Variants in PSG3 observed in about 807,000 individuals in gnomAD.
The protein encoded by PSG3 is pregnancy specific beta-1-glycoprotein 3.
A neutral mutation model predicts 47.5 loss-of-function variants in PSG3; 61 were observed. The ratio of observed to expected loss-of-function variants is 1.28; its 90% confidence interval spans 1.05 to 1.59. The LOEUF is 1.59. Ranked by LOEUF, PSG3 falls within the 40% of genes most tolerant of loss-of-function variation. The probability of loss-of-function intolerance (pLI) is 0.00; values close to 1 mark genes in which losing one functional copy is unlikely to be tolerated. For synonymous variants in PSG3, 263 were observed against 198.4 expected (o/e 1.33, Z -2.74); for missense variants, 756 against 524.0 (o/e 1.44, Z -4.32).
intron 5 of PSG3, among the ~76,000 whole-genome samples, chr19:42,728,303 C>A (rs1969408077): frequency 6.6e-6 from 1 of 152,164 alleles, no homozygotes; most frequent in South Asian, 2.1e-4. Context: ...TATAATTACA[C>A]ACTTTTTGGC....
In PSG3 at chr19:42,736,275, C is replaced by T. The variant is rs77979343; in HGVS notation, c.430+2449G>A. 7.9e-5 allele frequency among the ~76,000 whole-genome samples: 12 copies of T among 152,148 alleles called. No individual in the cohort carries two copies. In the East Asian group the frequency reaches 1.5e-3, roughly 20 times the overall value. On this transcript the variant is annotated intron_variant, in intron 2 of 6. Coordinates refer to ENST00000327495, the MANE Select transcript of PSG3 (RefSeq NM_021016.4). ...TATAGATAACATCACTATTGTAGAA[C>T]GTGAGATTGGTCTTTTGAGATGTTT...
chr19:42,729,496 C>T (rs1010903227), intron 4 of PSG3, 119 bp from the exon 5 acceptor site: 10 of 1,501,014 alleles, frequency 6.7e-6, no homozygotes, highest in Non-Finnish European at 8.0e-6. Context: ...GCCAGCCAAA[C>T]CCCCTCTATG....
In PSG3 at chr19:42,721,666, ACCATAAACATATGAATACT is replaced by A; in HGVS notation, c.*446_*464del. On this transcript the variant is annotated 3_prime_UTR_variant, in exon 7 of 7. Transcript: ENST00000327495. Reference sequence around the variant, plus strand: ...CTGAACTTGTGCAGATAACTTTATTACCATAAACATATGAATACTCCTGAATAGTTTCCCAATTCTGGGG... The same window carrying A: ...CTGAACTTGTGCAGATAACTTTATTACCTGAATAGTTTCCCAATTCTGGGG... 3.4e-6 allele frequency: 1 copy of A among 293,186 alleles called. No individual in the cohort carries two copies. Among genetic ancestry groups the A allele is most frequent in the Non-Finnish European group, 6.2e-6 (1 of 160,182 alleles). 18.2% of individuals were successfully genotyped at this position (293,186 alleles called of 1,614,324 possible). A position where few individuals can be genotyped will look rare whatever the true frequency, so the allele number is the denominator to read the frequency against.
chr19:42,733,400 C>T, intron 2 of PSG3: 2 of 353,324 alleles, frequency 5.7e-6, no homozygotes, highest in South Asian at 8.7e-5. Context: ...GTGGTCCTCA[C>T]TTGGAGCATG....
intron 6 of PSG3, among the ~76,000 whole-genome samples, chr19:42,723,571 G>A (rs1177761984): frequency 2.6e-5 from 4 of 152,220 alleles, no homozygotes; most frequent in African/African-American, 9.7e-5. Flanking sequence ...AGATTTCAAA[G>A]TCTGGAGACA....
At chr19:42,723,343 T>G (rs1454056901) in intron 6 of PSG3, among the ~76,000 whole-genome samples, 1 of 152,170 alleles carries the variant, frequency 6.6e-6, no homozygotes, top group African/African-American at 2.4e-5. Flanking sequence ...AACTAAGAAT[T>G]TTATATCTAT....
At chr19:42,724,731 G>T (rs1969348946) in intron 5 of PSG3, among the ~76,000 whole-genome samples, 1 of 152,062 alleles carries the variant, frequency 6.6e-6, no homozygotes, top group East Asian at 1.9e-4. Context: ...AAGTTATCTT[G>T]TATGTCTAAT....
Position 42,732,920 on chromosome 19 carries a change from G to A in PSG3, c.573C>T (p.His191=), listed in dbSNP as rs1180658593. The A allele has an allele frequency of 6.2e-7, 1 of 1,614,126 alleles. No homozygotes were observed. The highest frequency in any genetic ancestry group is 2.2e-5 in the East Asian group (1 of 44,884). ...TTTTGTTTTTGGACAACTGCAAGCT[G>A]TGAGTCATAGGGAGGCTCTGACCAT... ...WMNGQSLPMT[H]SLQLSKNKRT... is the part of the protein sequence containing the mutation. The change falls in exon 3 of 7, where the codon CAC becomes CAT. Residue 191 remains histidine, a synonymous_variant. Transcript: ENST00000327495.
At chr19:42,728,606 G>A (rs1186211807) in intron 5 of PSG3, among the ~76,000 whole-genome samples, 1 of 152,236 alleles carries the variant, frequency 6.6e-6, no homozygotes, top group Non-Finnish European at 1.5e-5. Context: ...CACCCAGGTG[G>A]AGTCAGGCAG....
chr19:42,739,961 T>A (rs1010014938), intron 1 of PSG3, among the ~76,000 whole-genome samples: 1 of 151,650 alleles, frequency 6.6e-6, no homozygotes, highest in Non-Finnish European at 1.5e-5. Flanking sequence ...TTCCATTCTT[T>A]TTTTTTTTTG....
chr19:42,736,765 G>T (rs1001331861), intron 2 of PSG3, among the ~76,000 whole-genome samples: 5 of 152,132 alleles, frequency 3.3e-5, no homozygotes, highest in Non-Finnish European at 7.3e-5. Flanking sequence ...AAGGGAAAGA[G>T]CCCTGGATGG....
intron 5 of PSG3, among the ~76,000 whole-genome samples, chr19:42,724,799 A>C (rs975543982): frequency 7.3e-5 from 11 of 151,332 alleles, no homozygotes; most frequent in South Asian, 6.3e-4. Context: ...GATTCTTTGC[A>C]CTTAGCTTTT....
rs182730473 is a variant in PSG3, at chr19:42,739,004, G to A, written c.150C>T (p.Asp50=). ...AEPTKVSKGK[D]VLLLVHNLPQ... is the part of the protein sequence containing the mutation. ...GCAAATTGTGGACAAGTAGAAGAAC[G>A]TCCTTCCCCTTGGAAACTTTGGTTG... The change falls in exon 2 of 7, where the codon GAC becomes GAT. Residue 50 remains aspartate, a synonymous_variant. Coordinates refer to ENST00000327495, the MANE Select transcript of PSG3 (RefSeq NM_021016.4). 65 of 1,613,962 alleles carry A rather than the reference G, an allele frequency of 4.0e-5. No homozygotes were observed. The highest frequency in any genetic ancestry group is 1.7e-4 in the Middle Eastern group (1 of 6,060).
At chr19:42,739,670 GT>G (rs1240648745) in intron 1 of PSG3, among the ~76,000 whole-genome samples, 1 of 152,020 alleles carries the variant, frequency 6.6e-6, no homozygotes, top group Non-Finnish European at 1.5e-5. Context: ...TGCCCTGGGT[GT>G]TTTTTCTTCC....
At chr19:42,724,492 C>T (rs1225601160) in intron 5 of PSG3, among the ~76,000 whole-genome samples, 1 of 152,178 alleles carries the variant, frequency 6.6e-6, no homozygotes, top group Non-Finnish European at 1.5e-5. Context: ...TACAGGCTCC[C>T]AGCAAGGGCG....
chr19:42,722,180 T>C (rs1027819928), intron 6 of PSG3, 90 bp from the exon 7 acceptor site: 39 of 401,630 alleles, frequency 9.7e-5, no homozygotes, highest in Non-Finnish European at 1.7e-4. Flanking sequence ...ATCTAGTTAC[T>C]TCTGTGGCAT....
At chr19:42,734,669 A>G (rs1323335933) in intron 2 of PSG3, among the ~76,000 whole-genome samples, 1 of 152,226 alleles carries the variant, frequency 6.6e-6, no homozygotes, top group African/African-American at 2.4e-5. Flanking sequence ...CATTATGCTC[A>G]AAGAAAGATG....
At chr19:42,732,363 T>C (rs959064600) in intron 3 of PSG3, 85 of 280,594 alleles carry the variant, frequency 3.0e-4, no homozygotes, top group Admixed American at 1.3e-4. Flanking sequence ...GAGGAGGAAA[T>C]GGTGGGGGCA....
intron 2 of PSG3, among the ~76,000 whole-genome samples, chr19:42,734,398 G>A (rs1268684226): frequency 6.6e-6 from 1 of 152,204 alleles, no homozygotes; most frequent in Non-Finnish European, 1.5e-5. Flanking sequence ...GAGTTTTGGA[G>A]CATTTCAGAT....
Sources: allele counts gnomAD v4.1 joint callset (sites outside exome capture counted in the v4.1 genomes callset), GRCh38; gene constraint gnomAD v4.1.1; transcripts MANE v1.5; gene names NCBI Gene and HGNC (gene_info 2026-07-23, HGNC 2026-07-21).